MEF2A: variants seen among roughly 807,000 people sequenced by gnomAD.
The protein encoded by MEF2A is myocyte-specific enhancer factor 2A.
In MEF2A, 28 loss-of-function variants were observed where a neutral mutation model predicts 55.8. That is an observed-to-expected ratio of 0.50 (90% CI 0.37 to 0.69). The LOEUF (loss-of-function observed/expected upper bound fraction) is 0.69, where lower values mean the gene tolerates loss of function less well. Among genes scored for constraint, MEF2A ranks in the 30% least tolerant of loss-of-function variants. MEF2A has a pLI of 0.00. For missense variants in MEF2A, 528 were observed against 626.2 expected (o/e 0.84, Z 1.67); for synonymous variants, 239 against 227.1 (o/e 1.05, Z -0.47).
At chr15:99,628,541 C>G (rs933441201) in intron 2 of MEF2A, among the ~76,000 whole-genome samples, 2 of 152,006 alleles carry the variant, frequency 1.3e-5, no homozygotes, top group African/African-American at 2.4e-5. Context: ...ATTTTTCCCC[C>G]TCTTAGCTGT....
At chr15:99,605,875 C>CA (rs907036788) in intron 2 of MEF2A, among the ~76,000 whole-genome samples, 13 of 152,072 alleles carry the variant, frequency 8.5e-5, no homozygotes, top group African/African-American at 3.1e-4. Flanking sequence ...CAGGCTTAGG[C>CA]AGGAGGATCA....
intron 2 of MEF2A, among the ~76,000 whole-genome samples, chr15:99,624,119 T>C (rs1160231201): frequency 2.6e-5 from 4 of 152,212 alleles, no homozygotes; most frequent in African/African-American, 9.6e-5. Flanking sequence ...TCTGCAGTTA[T>C]TATCTTTCAT....
At position 99,602,506 on chromosome 15, in the gene MEF2A, T is replaced by C. The variant is rs538217960; in HGVS notation, c.-143+3995T>C. Reference sequence around the variant, plus strand: ...CATATGTCCAACTCCTGAGATGTTATAGGGAAGCGGCTGATCACCAGCTTC... The same window carrying C: ...CATATGTCCAACTCCTGAGATGTTACAGGGAAGCGGCTGATCACCAGCTTC... On this transcript the variant is annotated intron_variant, in intron 2 of 11. Coordinates refer to ENST00000557942, the MANE Select transcript of MEF2A (RefSeq NM_001319206.4). 9.2e-5 allele frequency among the ~76,000 whole-genome samples: 14 copies of C among 152,266 alleles called. No individual in the cohort carries two copies. In the South Asian group the frequency reaches 1.7e-3, roughly 18 times the overall value.
At chr15:99,697,543 A>C (rs979210820) in intron 8 of MEF2A, among the ~76,000 whole-genome samples, 6 of 152,192 alleles carry the variant, frequency 3.9e-5, no homozygotes, top group Admixed American at 3.9e-4. Flanking sequence ...TACAGTCTGT[A>C]TGTTGAAGAC....
At chr15:99,659,286 G>T (rs1294763405) in intron 4 of MEF2A, among the ~76,000 whole-genome samples, 1 of 152,088 alleles carries the variant, frequency 6.6e-6, no homozygotes, top group Non-Finnish European at 1.5e-5. Context: ...GGGGCAGGTA[G>T]GGAATCTTAC....
chr15:99,703,794 A>C (rs968092723), intron 9 of MEF2A, among the ~76,000 whole-genome samples: 1 of 152,190 alleles, frequency 6.6e-6, no homozygotes, highest in South Asian at 2.1e-4. Context: ...AAAAGATTAC[A>C]TCATTTTTGG....
At chr15:99,701,268 T>C (rs1167508368) in intron 8 of MEF2A, among the ~76,000 whole-genome samples, 1 of 152,242 alleles carries the variant, frequency 6.6e-6, no homozygotes, top group Non-Finnish European at 1.5e-5. Flanking sequence ...AAGAAAGCCA[T>C]GTCTCTTTGT....
At chr15:99,698,533 C>G (rs770686753) in intron 8 of MEF2A, among the ~76,000 whole-genome samples, 3 of 152,154 alleles carry the variant, frequency 2.0e-5, no homozygotes, top group East Asian at 3.8e-4. Context: ...TGGCTCACAC[C>G]TGTAATCCCA....
At chr15:99,586,516 G>A (rs1344090723) in intron 1 of MEF2A, among the ~76,000 whole-genome samples, 1 of 152,038 alleles carries the variant, frequency 6.6e-6, no homozygotes, top group Non-Finnish European at 1.5e-5. Flanking sequence ...ATTTTTAATA[G>A]GGTTATTTGC....
At chr15:99,589,799 TC>T (rs199831598) in intron 1 of MEF2A, among the ~76,000 whole-genome samples, 2 of 151,666 alleles carry the variant, frequency 1.3e-5, no homozygotes, top group Admixed American at 6.6e-5. Context: ...AATAGAAATG[TC>T]CCCCCCCAAA....
chr15:99,638,877 A>G (rs1006523109), intron 3 of MEF2A, among the ~76,000 whole-genome samples: 8 of 152,166 alleles, frequency 5.3e-5, no homozygotes, highest in Non-Finnish European at 7.4e-5. Flanking sequence ...GAAAGAGATT[A>G]TAGAATCTTA....
chr15:99,640,052 G>A (rs2044600086), intron 3 of MEF2A, among the ~76,000 whole-genome samples: 1 of 152,122 alleles, frequency 6.6e-6, no homozygotes, highest in South Asian at 2.1e-4. Context: ...CTTTTTAAGT[G>A]TGTTAAGACT....
intron 2 of MEF2A, among the ~76,000 whole-genome samples, chr15:99,604,546 C>CT: frequency 6.6e-6 from 1 of 151,942 alleles, no homozygotes; most frequent in East Asian, 1.9e-4. Flanking sequence ...TATTTATAAT[C>CT]TTTTTTTAAT....
intron 11 of MEF2A, among the ~76,000 whole-genome samples, chr15:99,711,500 C>T (rs527953111): frequency 2.6e-5 from 4 of 152,332 alleles, no homozygotes; most frequent in African/African-American, 7.2e-5. Flanking sequence ...AGGATGACAG[C>T]AGACCCATGG....
At chr15:99,687,063 CA>C (rs1326641029) in intron 7 of MEF2A, among the ~76,000 whole-genome samples, 1 of 149,570 alleles carries the variant, frequency 6.7e-6, no homozygotes, top group Non-Finnish European at 1.5e-5. Context: ...AGGTGCACAC[CA>C]CCATGTCCTA....
intron 1 of MEF2A, among the ~76,000 whole-genome samples, chr15:99,569,512 A>G (rs1367997496): frequency 6.6e-6 from 1 of 152,254 alleles, no homozygotes; most frequent in African/African-American, 2.4e-5. Flanking sequence ...GTTTTAAAAC[A>G]TTAGAATTTT....
At chr15:99,583,957 A>G (rs1326572606) in intron 1 of MEF2A, among the ~76,000 whole-genome samples, 1 of 152,152 alleles carries the variant, frequency 6.6e-6, no homozygotes, top group Non-Finnish European at 1.5e-5. Flanking sequence ...GGCACAGTCT[A>G]CTACACACCT....
intron 2 of MEF2A, among the ~76,000 whole-genome samples, chr15:99,632,342 A>G (rs1257094606): frequency 6.6e-6 from 1 of 152,240 alleles, no homozygotes; most frequent in Non-Finnish European, 1.5e-5. Context: ...TTACGAAAGT[A>G]TATAGTGGCT....
chr15:99,713,106 A>T lies in MEF2A; in HGVS notation c.*335A>T. 2.3e-6 allele frequency: 1 copy of T among 440,164 alleles called. No individual in the cohort carries two copies. Among genetic ancestry groups the T allele is most frequent in the Non-Finnish European group, 4.0e-6 (1 of 249,754 alleles). The allele number at this position is 440,164 out of a possible 1,614,324, so 27.3% of individuals were successfully genotyped here. On this transcript the variant is annotated 3_prime_UTR_variant, in exon 12 of 12. Transcript: ENST00000557942. ...GCAGAGAAACGTGTACCCATATATA[A>T]TTCTCCCACACTAGCTTGCAGAAAC...
Sources: allele counts gnomAD v4.1 joint callset (sites outside exome capture counted in the v4.1 genomes callset), GRCh38; gene constraint gnomAD v4.1.1; transcripts MANE v1.5; gene names NCBI Gene and HGNC (gene_info 2026-07-23, HGNC 2026-07-21).